CCDC91: variants seen among roughly 807,000 people sequenced by gnomAD.
CCDC91 encodes the protein coiled-coil domain-containing protein 91.
In CCDC91, 48 loss-of-function variants were observed where a neutral mutation model predicts 63.2. That is an observed-to-expected ratio of 0.76 (90% CI 0.60 to 0.97). The LOEUF (loss-of-function observed/expected upper bound fraction) is 0.97, where lower values mean the gene tolerates loss of function less well. CCDC91 is among the 50% of genes least tolerant of loss of function. CCDC91 has a pLI of 0.00. For missense variants in CCDC91, 500 were observed against 494.6 expected, an observed-to-expected ratio of 1.01 and a Z score of -0.10; for synonymous variants, 167 against 165.8, an observed-to-expected ratio of 1.01 and a Z score of -0.06.
At chr12:28,309,197 T>C (rs777776399) in intron 6 of CCDC91, among the ~76,000 whole-genome samples, 1 of 151,982 alleles carries the variant, frequency 6.6e-6, no homozygotes, top group Non-Finnish European at 1.5e-5. Context: ...CAGTGTGTCT[T>C]TTCAGTGCCT....
At chr12:28,438,451 C>T (rs1292252982) in intron 8 of CCDC91, among the ~76,000 whole-genome samples, 1 of 152,110 alleles carries the variant, frequency 6.6e-6, no homozygotes, top group Non-Finnish European at 1.5e-5. Context: ...GTGTCTTGAT[C>T]TTAGACTTTC....
chr12:28,357,203 A>G (rs573404107), intron 6 of CCDC91, among the ~76,000 whole-genome samples: 78 of 152,242 alleles, frequency 5.1e-4, no homozygotes, highest in African/African-American at 1.8e-3. Flanking sequence ...TGTTGATTGT[A>G]TGGTTCCTTG....
At chr12:28,331,553 A>G (rs1041063512) in intron 6 of CCDC91, among the ~76,000 whole-genome samples, 2 of 152,202 alleles carry the variant, frequency 1.3e-5, no homozygotes, top group Non-Finnish European at 2.9e-5. Flanking sequence ...CTAAGATATT[A>G]TGGGACAATA....
intron 11 of CCDC91, among the ~76,000 whole-genome samples, chr12:28,454,856 G>C (rs1253386040): frequency 3.3e-5 from 5 of 151,950 alleles, no homozygotes; most frequent in Admixed American, 3.3e-4. Flanking sequence ...CAGTATAGCC[G>C]GTTTCATGCT....
chr12:28,464,215 A>G (rs1231625610), intron 11 of CCDC91, among the ~76,000 whole-genome samples: 1 of 152,154 alleles, frequency 6.6e-6, no homozygotes, highest in African/African-American at 2.4e-5. Context: ...AAGCCTTACC[A>G]CCATGGGCTA....
chr12:28,514,250 T>C (rs1186750756), intron 12 of CCDC91, among the ~76,000 whole-genome samples: 1 of 152,032 alleles, frequency 6.6e-6, no homozygotes, highest in East Asian at 1.9e-4. Context: ...GTTGGCCACA[T>C]GTATGTCTTC....
chr12:28,500,963 C>T (rs899244185), intron 12 of CCDC91, among the ~76,000 whole-genome samples: 1 of 151,644 alleles, frequency 6.6e-6, no homozygotes, highest in African/African-American at 2.4e-5. Flanking sequence ...TCAGGTTCTT[C>T]AATTTTTTTA....
intron 6 of CCDC91, among the ~76,000 whole-genome samples, chr12:28,310,802 T>C (rs1184829489): frequency 1.3e-5 from 2 of 152,062 alleles, no homozygotes; most frequent in Non-Finnish European, 2.9e-5. Flanking sequence ...TCTTCCATTC[T>C]GTGCTTAAAC....
chr12:28,272,031 T>G (rs1947804731), intron 3 of CCDC91, among the ~76,000 whole-genome samples: 1 of 151,796 alleles, frequency 6.6e-6, no homozygotes, highest in African/African-American at 2.4e-5. Context: ...AGTTATTTCT[T>G]TGGTCTGCAC....
chr12:28,252,089 A>G lies in CCDC91; in HGVS notation c.-14-5113A>G, dbSNP rs575709966. The stretch of plus-strand genomic sequence containing the variant: ...TCCATGCTGTAAATCATTTTCCCCC[A>G]GAATTTTAAAAGCATTATTAGTCCA... On this transcript the variant is annotated intron_variant, in intron 1 of 12. Coordinates refer to ENST00000536442, the MANE Select transcript of CCDC91 (RefSeq NM_018318.5). 2.6e-5 allele frequency among the ~76,000 whole-genome samples: 4 copies of G among 152,234 alleles called. No homozygotes were observed. The East Asian group carries it at 5.8e-4, about 22-fold the overall frequency.
chr12:28,380,190 G>A, intron 7 of CCDC91, among the ~76,000 whole-genome samples: 1 of 152,154 alleles, frequency 6.6e-6, no homozygotes, highest in Non-Finnish European at 1.5e-5. Context: ...GGGGGGCTGG[G>A]GTAGGGATAG....
intron 12 of CCDC91, among the ~76,000 whole-genome samples, chr12:28,548,156 G>A (rs1166064079): frequency 5.9e-5 from 9 of 151,916 alleles, no homozygotes; most frequent in African/African-American, 9.7e-5. Flanking sequence ...TAACCCTCTT[G>A]TTTCGTTTAC....
At chr12:28,463,649 A>G (rs1304585296) in intron 11 of CCDC91, among the ~76,000 whole-genome samples, 1 of 152,176 alleles carries the variant, frequency 6.6e-6, no homozygotes, top group Admixed American at 6.6e-5. Flanking sequence ...ATGAAACCAA[A>G]CATGTCTCTA....
chr12:28,373,513 C>T (rs1157178451), intron 7 of CCDC91, among the ~76,000 whole-genome samples: 1 of 152,014 alleles, frequency 6.6e-6, no homozygotes. Flanking sequence ...GTTATTTATC[C>T]TTTCTCTGTT....
intron 7 of CCDC91, among the ~76,000 whole-genome samples, chr12:28,380,576 C>G (rs1252993531): frequency 6.6e-6 from 1 of 151,976 alleles, no homozygotes; most frequent in African/African-American, 2.4e-5. Context: ...TAGTTTCTTC[C>G]AAGGGCCATA....
At chr12:28,311,976 C>G (rs532346322) in intron 6 of CCDC91, among the ~76,000 whole-genome samples, 7 of 152,086 alleles carry the variant, frequency 4.6e-5, no homozygotes, top group Non-Finnish European at 8.8e-5. Flanking sequence ...TCTGCCTTCC[C>G]TCTGCATTCC....
intron 12 of CCDC91, among the ~76,000 whole-genome samples, chr12:28,494,966 A>G (rs770755339): frequency 6.6e-6 from 1 of 151,782 alleles, no homozygotes; most frequent in Non-Finnish European, 1.5e-5. Context: ...TGGGCTGGAT[A>G]TGAGACAGAT....
At chr12:28,518,296 A>AT (rs1355496955) in intron 12 of CCDC91, among the ~76,000 whole-genome samples, 6 of 150,666 alleles carry the variant, frequency 4.0e-5, no homozygotes, top group Non-Finnish European at 5.9e-5. Context: ...GCAGACATCT[A>AT]TTTTTTTTTA....
intron 12 of CCDC91, among the ~76,000 whole-genome samples, chr12:28,536,190 A>G (rs370540164): frequency 2.0e-5 from 2 of 98,058 alleles, no homozygotes; most frequent in African/African-American, 2.7e-5. Flanking sequence ...GGCCAGTGTT[A>G]GTTGACAAGA....
Sources: allele counts gnomAD v4.1 joint callset (sites outside exome capture counted in the v4.1 genomes callset), GRCh38; gene constraint gnomAD v4.1.1; transcripts MANE v1.5; gene names NCBI Gene and HGNC (gene_info 2026-07-23, HGNC 2026-07-21).